AATK: variants seen among roughly 807,000 people sequenced by gnomAD.
The protein encoded by AATK is serine/threonine-protein kinase LMTK1.
In AATK, 91 loss-of-function variants were observed where a neutral mutation model predicts 114.3. The ratio of observed to expected loss-of-function variants is 0.80; its 90% confidence interval spans 0.67 to 0.95. The LOEUF (loss-of-function observed/expected upper bound fraction) is 0.95. Among genes scored for constraint, AATK ranks in the 40% least tolerant of loss-of-function variants. The pLI is 0.00. For missense variants in AATK, 2,176 were observed against 1,965.2 expected, an observed-to-expected ratio of 1.11 and a Z score of -2.03; for synonymous variants, 1,075 against 916.5, an observed-to-expected ratio of 1.17 and a Z score of -3.12.
chr17:81,124,699 C>T, intron 9 of AATK, 28 bp downstream of exon 9: 3 of 1,607,546 alleles, frequency 1.9e-6, no homozygotes, highest in Non-Finnish European at 2.6e-6. Context: ...GCCTCGGCCC[C>T]TCACGGTGCC....
Position 81,166,043 on chromosome 17 carries a change from G to A in AATK, c.-51C>T. 3 of 1,385,618 alleles carry A rather than the reference G, an allele frequency of 2.2e-6. No individual in the cohort carries two copies. Among genetic ancestry groups the A allele is most frequent in the Non-Finnish European group, 2.8e-6 (3 of 1,061,048 alleles). The allele number at this position is 1,385,618 out of a possible 1,614,324, so 85.8% of individuals were successfully genotyped here. A position where few individuals can be genotyped will look rare whatever the true frequency, so the allele number is the denominator to read the frequency against. On this transcript the variant is annotated 5_prime_UTR_variant, in exon 1 of 14. Coordinates refer to ENST00000326724, the MANE Select transcript of AATK (RefSeq NM_001080395.3). ...CCCGGGAGGGCGCTGCGCTCAGGAC[G>A]CCCGCGGCCCCGGCCCGAGCCGCCG...
chr17:81,132,698 A>G, intron 2 of AATK: 1 of 331,106 alleles, frequency 3.0e-6, no homozygotes, highest in Non-Finnish European at 6.2e-6. Flanking sequence ...TACAGCGTGC[A>G]ATCAGGTAGC....
intron 1 of AATK, among the ~76,000 whole-genome samples, chr17:81,165,073 C>T (rs151113655): frequency 5.3e-5 from 8 of 152,368 alleles, no homozygotes; most frequent in East Asian, 3.9e-4. Flanking sequence ...GCCCCAGTGA[C>T]GTGTGGGTGG....
At chr17:81,128,908 C>G in intron 3 of AATK, 1 of 1,139,200 alleles carries the variant, frequency 8.8e-7, no homozygotes, top group Non-Finnish European at 1.1e-6. Flanking sequence ...GCTGGGGCCA[C>G]GGCACAGAGA....
intron 1 of AATK, among the ~76,000 whole-genome samples, chr17:81,140,916 GCCGTGGGA>G (rs564165934): frequency 0.026 from 2,624 of 99,548 alleles, 91 homozygotes; most frequent in South Asian, 0.036. Flanking sequence ...GGGCCGTGGG[GCCGTGGGA>G]CCGTGGGACC....
At position 81,120,622 on chromosome 17, in the gene AATK, G is replaced by A. The variant is rs1368391680; in HGVS notation, c.3314C>T (p.Pro1105Leu). Residue 1105 changes from proline to leucine, a missense_variant, in exon 11 of 14, where the codon CCG becomes CTG. Coordinates refer to ENST00000326724, the MANE Select transcript of AATK (RefSeq NM_001080395.3). The stretch of plus-strand genomic sequence containing the variant: ...GTTGCCTTCTGATCTCAGCGGAACC[G>A]GGGTCAGCAGGAAAAACTGGGAGCA... ...PSCSQFFLLT[P>L]VPLRSEGNSS... 3.2e-6 allele frequency: 5 copies of A among 1,545,024 alleles called. No individual in the cohort carries two copies. Among genetic ancestry groups the A allele is most frequent in the African/African-American group, 1.4e-5 (1 of 72,650 alleles).
Position 81,128,561 on chromosome 17 carries a change from C to T in AATK, c.335-12G>A. ...CTTGAGGAGCTGCACTGTAACCAAG[C>T]AGGGGGTTCAGGGACCCAGTGTGGC... On this transcript the variant is annotated splice_polypyrimidine_tract_variant and intron_variant, in intron 3 of 13. Transcript: ENST00000326724. 1 of 1,548,658 alleles carries T rather than the reference C, an allele frequency of 6.5e-7. No individual in the cohort carries two copies. The highest frequency in any genetic ancestry group is 8.7e-7 in the Non-Finnish European group (1 of 1,146,664).
At chr17:81,144,954 C>G (rs543018489) in intron 1 of AATK, among the ~76,000 whole-genome samples, 1 of 152,292 alleles carries the variant, frequency 6.6e-6, no homozygotes, top group East Asian at 1.9e-4. Context: ...GACTTCAGGC[C>G]GGGCGCGGTG....
In AATK at chr17:81,121,173, G is replaced by T; in HGVS notation, c.2763C>A (p.Ser921Arg). The change falls in exon 11 of 14, where the codon AGC becomes AGA. Residue 921 changes from serine (S) to arginine (R), a missense_variant. Ser to Arg is a moderately radical substitution (Grantham distance 110). This residue lies in a region of AATK where 1,701 missense variants were observed against 1,394.7 expected (regional missense o/e 1.22). Coordinates refer to ENST00000326724, the MANE Select transcript of AATK (RefSeq NM_001080395.3). ...SASDGGYEVF[S>R]PSATGPSGGQ... The stretch of plus-strand genomic sequence containing the variant: ...CTCCAGAGGGGCCAGTGGCCGACGG[G>T]CTGAAGACCTCATAGCCACCATCAC... 1 of 1,602,382 alleles carries T rather than the reference G, an allele frequency of 6.2e-7. No homozygotes were observed. The highest frequency in any genetic ancestry group is 8.5e-7 in the Non-Finnish European group (1 of 1,175,144).
intron 1 of AATK, among the ~76,000 whole-genome samples, chr17:81,146,560 A>C (rs1439455343): frequency 6.6e-6 from 1 of 151,964 alleles, no homozygotes; most frequent in Admixed American, 6.6e-5. Flanking sequence ...TACTAAAAAT[A>C]CAAAAATTAG....
chr17:81,134,918 G>A (rs1567815837), intron 1 of AATK, among the ~76,000 whole-genome samples: 1 of 152,206 alleles, frequency 6.6e-6, no homozygotes, highest in East Asian at 1.9e-4. Flanking sequence ...CCATGTTGCT[G>A]GCTGCTATCT....
chr17:81,127,976 T>C, intron 4 of AATK, 66 bp from the exon 5 acceptor site: 1 of 1,536,262 alleles, frequency 6.5e-7, no homozygotes, highest in Admixed American at 2.0e-5. Context: ...CAGGCCTTAC[T>C]CTTCTCCCAC....
At chr17:81,133,459 C>T (rs996203682) in intron 2 of AATK, 5 of 294,744 alleles carry the variant, frequency 1.7e-5, no homozygotes, top group East Asian at 1.3e-4. Context: ...GGGTGCTGTG[C>T]GCGCTGCAGA....
chr17:81,120,383 C>T lies in AATK; in HGVS notation c.3553G>A (p.Glu1185Lys), dbSNP rs767796214. Residue 1185 changes from glutamate to lysine, a missense_variant, in exon 11 of 14, where the codon GAG becomes AAG. Physicochemically the swap from Glu to Lys is moderately conservative, Grantham distance 56 (BLOSUM62 1). Coordinates refer to ENST00000326724, the MANE Select transcript of AATK (RefSeq NM_001080395.3). ...LRCYSVQEPS[E>K]DSEEEAPAVP... is the part of the protein sequence containing the mutation. Reference sequence around the variant, plus strand: ...GCCGGCGCCTCCTCTTCGCTGTCCTCGCTAGGCTCCTGGACGCTGTAGCAG... The same window carrying T: ...GCCGGCGCCTCCTCTTCGCTGTCCTTGCTAGGCTCCTGGACGCTGTAGCAG... 1.9e-6 allele frequency: 3 copies of T among 1,607,608 alleles called. No homozygotes were observed. Among genetic ancestry groups the T allele is most frequent in the Non-Finnish European group, 2.5e-6 (3 of 1,177,564 alleles).
Position 81,149,623 on chromosome 17 carries a change from C to T in AATK, c.56-15122G>A, listed in dbSNP as rs952269629. Among the ~76,000 whole-genome samples, 19 of 152,206 alleles carry T rather than the reference C, an allele frequency of 1.2e-4. 1 individual carries two copies. The highest frequency in any genetic ancestry group is 2.6e-4 in the Admixed American group (4 of 15,284). On this transcript the variant is annotated intron_variant, in intron 1 of 13. Coordinates refer to ENST00000326724, the MANE Select transcript of AATK (RefSeq NM_001080395.3). ...CACAGCCACTTCTAAAAGCACTGCC[C>T]GCGGCACCCCCAGCCCACCCTGGGC...
At chr17:81,161,984 G>A (rs1239622498) in intron 1 of AATK, among the ~76,000 whole-genome samples, 1 of 152,164 alleles carries the variant, frequency 6.6e-6, no homozygotes, top group East Asian at 1.9e-4. Flanking sequence ...ACCCCATGGA[G>A]GGAAGCGCAC....
intron 1 of AATK, among the ~76,000 whole-genome samples, chr17:81,161,387 G>T (rs946244650): frequency 7.2e-5 from 11 of 152,202 alleles, no homozygotes; most frequent in Non-Finnish European, 7.3e-5. Context: ...ATTGGATTCA[G>T]GGCCCACCCT....
chr17:81,141,931 CCTTCCTTCCTTCCT>C (rs2061144252), intron 1 of AATK, among the ~76,000 whole-genome samples: 1 of 62,632 alleles, frequency 1.6e-5, no homozygotes, highest in Non-Finnish European at 3.7e-5. Context: ...TTCCTTCCTT[CCTTCCTTCCTTCCT>C]TCCTTCCTTT....
rs1317638065 is a variant in AATK at position 81,143,485 on chromosome 17, CCTGCCTCCCGTGTCCACGCAGCCT to C, written c.56-9008_56-8985del. Among the ~76,000 whole-genome samples, 61 of 46,708 alleles carry C rather than the reference CCTGCCTCCCGTGTCCACGCAGCCT, an allele frequency of 1.3e-3. No individual in the cohort carries two copies. In the East Asian group the frequency reaches 0.02, roughly 15 times the overall value. 30.6% of individuals were successfully genotyped at this position (46,708 alleles called of 152,430 possible). On this transcript the variant is annotated intron_variant, in intron 1 of 13. Coordinates refer to ENST00000326724, the MANE Select transcript of AATK (RefSeq NM_001080395.3). The stretch of plus-strand genomic sequence containing the variant: ...CCCCACCCCTTGTGTCCACGCAGCC[CCTGCCTCCCGTGTCCACGCAGCCT>C]CACTTCCCCCAGCCATGCAGCCCCC...
Sources: gnomAD v4.1 joint callset for allele counts (sites outside exome capture counted in the v4.1 genomes callset) on GRCh38, gnomAD v4.1.1 for gene constraint, gnomAD v4.1.1 regional missense constraint, MANE v1.5 for transcripts, NCBI Gene and HGNC (gene_info 2026-07-23, HGNC 2026-07-21) for gene names.